The following ZNF407 variants were observed in gnomAD, a reference collection of about 807,000 sequenced individuals.
ZNF407 encodes zinc finger protein 407.
In ZNF407, 17 loss-of-function variants were observed where a neutral mutation model predicts 131.2. The ratio of observed to expected loss-of-function variants is 0.13; its 90% CI spans 0.09 to 0.19. The LOEUF (loss-of-function observed/expected upper bound fraction) is 0.19. Among genes scored for constraint, ZNF407 ranks in the 10% least tolerant of loss-of-function variants. ZNF407 has a pLI of 1.00. For synonymous variants in ZNF407, 1,156 were observed against 1,062.0 expected (o/e 1.09, Z -1.72); for missense variants, 2,681 against 2,830.6 (o/e 0.95, Z 1.20).
At chr18:74,732,322 A>G (rs934014685) in intron 3 of ZNF407, among the ~76,000 whole-genome samples, 18 of 152,282 alleles carry the variant, frequency 1.2e-4, no homozygotes, top group African/African-American at 4.3e-4. Context: ...AGGGTTCACT[A>G]CAAGTACTCC....
At chr18:74,723,983 C>G (rs140002004) in intron 3 of ZNF407, among the ~76,000 whole-genome samples, 1 of 151,916 alleles carries the variant, frequency 6.6e-6, no homozygotes, top group East Asian at 1.9e-4. Flanking sequence ...TTACTTCGTA[C>G]CAGAAATGGA....
At chr18:74,671,416 A>T (rs962411815) in intron 3 of ZNF407, among the ~76,000 whole-genome samples, 4 of 151,740 alleles carry the variant, frequency 2.6e-5, no homozygotes, top group African/African-American at 9.7e-5. Flanking sequence ...TATATAGTTA[A>T]ACTCATGTCA....
intron 8 of ZNF407, among the ~76,000 whole-genome samples, chr18:74,973,295 T>C (rs1052964244): frequency 1.3e-5 from 2 of 152,218 alleles, no homozygotes; most frequent in East Asian, 3.8e-4. Context: ...ACTACATGCA[T>C]TGAGACCATG....
At chr18:74,750,033 GC>G (rs1375296002) in intron 3 of ZNF407, among the ~76,000 whole-genome samples, 2 of 152,132 alleles carry the variant, frequency 1.3e-5, no homozygotes, top group Non-Finnish European at 2.9e-5. Context: ...GTCCTTTCCA[GC>G]CTCATTTTCA....
chr18:75,006,106 A>G (rs1009066254), intron 8 of ZNF407, among the ~76,000 whole-genome samples: 1 of 152,106 alleles, frequency 6.6e-6, no homozygotes, highest in African/African-American at 2.4e-5. Context: ...AGGTGTCTTC[A>G]GGGATCAGCC....
chr18:74,914,390 C>A (rs914272865), intron 7 of ZNF407, among the ~76,000 whole-genome samples: 1 of 152,150 alleles, frequency 6.6e-6, no homozygotes, highest in Non-Finnish European at 1.5e-5. Context: ...GCTGACTTTG[C>A]GCTGTGTGCC....
At chr18:75,054,157 G>T (rs899279743) in intron 8 of ZNF407, among the ~76,000 whole-genome samples, 4 of 152,220 alleles carry the variant, frequency 2.6e-5, no homozygotes, top group African/African-American at 9.6e-5. Context: ...GAAGAAATCC[G>T]CATTGTTTCA....
intron 3 of ZNF407, among the ~76,000 whole-genome samples, chr18:74,747,479 AT>A (rs879459313): frequency 5.7e-4 from 84 of 147,058 alleles, no homozygotes; most frequent in Middle Eastern, 3.5e-3. Context: ...GCTTTCCTGG[AT>A]TTTTTTTTTT....
At chr18:74,625,179 T>C (rs1429158293) in intron 1 of ZNF407, among the ~76,000 whole-genome samples, 3 of 152,250 alleles carry the variant, frequency 2.0e-5, no homozygotes, top group Non-Finnish European at 4.4e-5. Flanking sequence ...AGTTGTGAAA[T>C]AACAAATGTG....
chr18:74,766,891 A>C (rs1345742919), intron 3 of ZNF407, among the ~76,000 whole-genome samples: 1 of 152,032 alleles, frequency 6.6e-6, no homozygotes, highest in Non-Finnish European at 1.5e-5. Flanking sequence ...AATCCCAACA[A>C]TTTTTATTTT....
At chr18:74,676,200 C>T (rs1986352031) in intron 3 of ZNF407, among the ~76,000 whole-genome samples, 1 of 149,940 alleles carries the variant, frequency 6.7e-6, no homozygotes, top group South Asian at 2.1e-4. Context: ...CAAACGATTC[C>T]TCAGCCTCAG....
At chr18:74,679,273 T>C (rs1369083442) in intron 3 of ZNF407, among the ~76,000 whole-genome samples, 1 of 152,252 alleles carries the variant, frequency 6.6e-6, no homozygotes, top group Non-Finnish European at 1.5e-5. Flanking sequence ...CTACTGTCCT[T>C]GTCTGAGCTT....
At chr18:74,884,808 C>T (rs1004585105) in intron 6 of ZNF407, among the ~76,000 whole-genome samples, 5 of 151,996 alleles carry the variant, frequency 3.3e-5, no homozygotes, top group Admixed American at 2.0e-4. Context: ...TGTTAAACTA[C>T]GAAACCAAGA....
rs1349054930 is a variant in ZNF407, at chr18:74,680,919, CTG to C, written c.4802+39799_4802+39800del. ...TGATTTTAGATGGTCATAGTATAAACTGTATAAAATTCAAAATTTTAACAATT... is the reference window on the plus strand; with the variant it reads ...TGATTTTAGATGGTCATAGTATAAACTATAAAATTCAAAATTTTAACAATT... On this transcript the variant is annotated intron_variant, in intron 3 of 8. Coordinates refer to ENST00000299687, the MANE Select transcript of ZNF407 (RefSeq NM_017757.3). 3.9e-5 allele frequency among the ~76,000 whole-genome samples: 6 copies of C among 152,302 alleles called. No homozygotes were observed. The East Asian group carries it at 5.8e-4, about 15-fold the overall frequency.
intron 4 of ZNF407, among the ~76,000 whole-genome samples, chr18:74,826,834 CTG>C (rs1489498313): frequency 6.6e-6 from 1 of 152,232 alleles, no homozygotes; most frequent in Non-Finnish European, 1.5e-5. Flanking sequence ...TTCCCCGTCT[CTG>C]TGCTGTGGAA....
chr18:74,649,838 G>A (rs1985145227), intron 3 of ZNF407, among the ~76,000 whole-genome samples: 1 of 152,220 alleles, frequency 6.6e-6, no homozygotes, highest in Non-Finnish European at 1.5e-5. Flanking sequence ...AAGCAGCAAA[G>A]TTAATTAATT....
At chr18:74,803,860 A>C in intron 4 of ZNF407, 1 of 1,244,162 alleles carries the variant, frequency 8.0e-7, no homozygotes, top group Non-Finnish European at 1.1e-6. Flanking sequence ...GCATGGTTTC[A>C]AAAAGGTCAG....
chr18:74,613,621 T>G (rs553995896), intron 1 of ZNF407, among the ~76,000 whole-genome samples: 1 of 152,332 alleles, frequency 6.6e-6, no homozygotes, highest in South Asian at 2.1e-4. Context: ...AGGAGATCCC[T>G]TATGGGGAAA....
chr18:75,051,245 C>T (rs1417882330), intron 8 of ZNF407, among the ~76,000 whole-genome samples: 2 of 152,136 alleles, frequency 1.3e-5, no homozygotes, highest in African/African-American at 4.8e-5. Context: ...CTTATGGACC[C>T]ATGTTAATGC....
Sources: gnomAD v4.1 joint callset for allele counts (sites outside exome capture counted in the v4.1 genomes callset) on GRCh38, gnomAD v4.1.1 for gene constraint, MANE v1.5 for transcripts, NCBI Gene and HGNC (gene_info 2026-07-23, HGNC 2026-07-21) for gene names.